SPDYE10: variants seen among roughly 807,000 people sequenced by gnomAD.
The protein encoded by SPDYE10 is speedy/RINGO cell cycle regulator family member E10.
At chr7:73,130,181 T>C in the SPDYE10 span, among the ~76,000 whole-genome samples, 1 of 150,220 alleles carries the variant, frequency 6.7e-6, no homozygotes, top group Non-Finnish European at 1.5e-5. Flanking sequence ...ATTTATCCAT[T>C]TGATTGTCTT....
chr7:73,132,535 A>G, the SPDYE10 span, among the ~76,000 whole-genome samples: 1 of 144,142 alleles, frequency 6.9e-6, no homozygotes, highest in Non-Finnish European at 1.5e-5. Flanking sequence ...TGACAGGGCA[A>G]GACCCTGTCT....
the SPDYE10 span, among the ~76,000 whole-genome samples, chr7:73,113,838 A>T: frequency 2.0e-5 from 3 of 151,936 alleles, no homozygotes; most frequent in Non-Finnish European, 4.4e-5. Context: ...GATCGAGACC[A>T]TCCTGGCTAA....
the SPDYE10 span, chr7:73,104,501 GTAA>G: frequency 4.0e-5 from 4 of 99,584 alleles, no homozygotes; most frequent in Admixed American, 2.4e-4. Context: ...AATATTTAAA[GTAA>G]TAATAATATT....
chr7:73,153,615 T>TA, the SPDYE10 span, among the ~76,000 whole-genome samples: 29 of 19,016 alleles, frequency 1.5e-3, no homozygotes, highest in East Asian at 4.9e-3. Flanking sequence ...AAAAGAAAGT[T>TA]AAAAAAAAAA....
chr7:73,123,564 T>C, the SPDYE10 span, among the ~76,000 whole-genome samples: 1 of 152,194 alleles, frequency 6.6e-6, no homozygotes, highest in Non-Finnish European at 1.5e-5. Context: ...CCTCCCAGAT[T>C]CAAGCAATTC....
At chr7:73,135,405 C>T in the SPDYE10 span, among the ~76,000 whole-genome samples, 1,781 of 139,140 alleles carry the variant, frequency 0.013, 1 homozygote, top group African/African-American at 0.029. Context: ...GCTTTGTCCA[C>T]GCATTCATTC....
chr7:73,117,035 A>G, the SPDYE10 span, among the ~76,000 whole-genome samples: 1 of 151,754 alleles, frequency 6.6e-6, no homozygotes, highest in South Asian at 2.1e-4. Flanking sequence ...AGCTGAGAGT[A>G]CAGGGCATGC....
chr7:73,130,271 T>A, the SPDYE10 span, among the ~76,000 whole-genome samples: 1 of 151,208 alleles, frequency 6.6e-6, no homozygotes, highest in African/African-American at 2.5e-5. Context: ...CTGGGCAACA[T>A]GTTGAAACCC....
chr7:73,113,943 G>T, the SPDYE10 span, among the ~76,000 whole-genome samples: 1 of 148,332 alleles, frequency 6.7e-6, no homozygotes, highest in Non-Finnish European at 1.5e-5. Context: ...GGAGAATGGC[G>T]TGAACCCAGG....
the SPDYE10 span, among the ~76,000 whole-genome samples, chr7:73,135,492 C>T: frequency 2.1e-5 from 3 of 143,832 alleles, no homozygotes; most frequent in South Asian, 2.2e-4. Flanking sequence ...AGCATTGAGG[C>T]TTTCCTTTCC....
the SPDYE10 span, among the ~76,000 whole-genome samples, chr7:73,111,959 GTTTCA>G: frequency 7.9e-6 from 1 of 125,932 alleles, no homozygotes; most frequent in South Asian, 2.4e-4. Flanking sequence ...TAGAGATGGG[GTTTCA>G]CCATGTTGGC....
At chr7:73,115,247 A>G in the SPDYE10 span, among the ~76,000 whole-genome samples, 2 of 151,954 alleles carry the variant, frequency 1.3e-5, no homozygotes, top group Non-Finnish European at 2.9e-5. Context: ...TCCCTCTTCC[A>G]CTCTCTCTAC....
At chr7:73,147,399 A>T in the SPDYE10 span, among the ~76,000 whole-genome samples, 1 of 137,288 alleles carries the variant, frequency 7.3e-6, no homozygotes, top group Non-Finnish European at 1.5e-5. Flanking sequence ...CGAACTCTTG[A>T]CCTCAAGTGA....
the SPDYE10 span, among the ~76,000 whole-genome samples, chr7:73,116,792 G>C: frequency 2.0e-5 from 3 of 150,446 alleles, no homozygotes; most frequent in East Asian, 5.9e-4. Context: ...CGTTGCCCAG[G>C]CTGATCTCAA....
the SPDYE10 span, among the ~76,000 whole-genome samples, chr7:73,143,386 C>T: frequency 6.6e-6 from 1 of 150,672 alleles, no homozygotes; most frequent in Non-Finnish European, 1.5e-5. Context: ...GAAGGGGGGC[C>T]GACAAGATCA....
the SPDYE10 span, among the ~76,000 whole-genome samples, chr7:73,114,902 ATTT>A: frequency 8.5e-5 from 8 of 94,070 alleles, no homozygotes; most frequent in Admixed American, 3.4e-4. Flanking sequence ...GGGTCATCTG[ATTT>A]TTTTTTTTTT....
chr7:73,131,837 ACGCTTTGTGTTTT>A, the SPDYE10 span, among the ~76,000 whole-genome samples: 9 of 151,510 alleles, frequency 5.9e-5, no homozygotes, highest in African/African-American at 2.2e-4. Flanking sequence ...ACCTAGCCTT[ACGCTTTGTGTTTT>A]CATCTGCATC....
chr7:73,128,051 C>A, the SPDYE10 span, among the ~76,000 whole-genome samples: 1 of 149,778 alleles, frequency 6.7e-6, no homozygotes, highest in African/African-American at 2.5e-5. Flanking sequence ...GAGAAAAAAA[C>A]AGAAACAAAG....
chr7:73,123,968 G>A, the SPDYE10 span, among the ~76,000 whole-genome samples: 1 of 151,404 alleles, frequency 6.6e-6, no homozygotes, highest in Non-Finnish European at 1.5e-5. Context: ...TGTAGAGATA[G>A]GGTTTCGCCG....
Sources: allele counts gnomAD v4.1 joint callset (sites outside exome capture counted in the v4.1 genomes callset), GRCh38; gene constraint gnomAD v4.1.1; transcripts MANE v1.5; gene names NCBI Gene and HGNC (gene_info 2026-07-23, HGNC 2026-07-21).